Variants in NRXN1 observed in about 807,000 individuals in gnomAD.
The protein encoded by NRXN1 is neurexin 1.
NRXN1 carries 39 observed loss-of-function variants against 150.9 expected under a neutral mutation model. The ratio of observed to expected loss-of-function variants is 0.26; its 90% CI spans 0.20 to 0.34. NRXN1 has a LOEUF of 0.34. NRXN1 is among the 10% of genes least tolerant of loss of function. NRXN1 has a pLI of 1.00. For missense variants in NRXN1, 1,815 were observed against 1,949.9 expected, an observed-to-expected ratio of 0.93 and a Z score of 1.30; for synonymous variants, 924 against 757.0, an observed-to-expected ratio of 1.22 and a Z score of -3.62.
At position 50,802,586 on chromosome 2, in the gene NRXN1, AAGAG is replaced by A. The variant is rs199858744; in HGVS notation, c.832+119279_832+119282del. Among the ~76,000 whole-genome samples the A allele has an allele frequency of 7.3e-4, 108 of 148,890 alleles. 1 individual carries two copies. The highest frequency in any genetic ancestry group is 2.5e-3 in the African/African-American group (103 of 40,416). ...GGAAGGAAGGAGAGAGACAGAGAGA[AAGAG>A]AGAGAGAAAAGAAGGAAAGAAAGAG... On this transcript the variant is annotated intron_variant, in intron 5 of 22. Transcript: ENST00000401669.
chr2:50,439,385 C>A (rs552607513), intron 17 of NRXN1, among the ~76,000 whole-genome samples: 14 of 152,116 alleles, frequency 9.2e-5, no homozygotes, highest in Non-Finnish European at 2.1e-4. Flanking sequence ...CTACAGTCAA[C>A]AAAACTGAAT....
chr2:50,829,045 A>G (rs1224260930), intron 5 of NRXN1, among the ~76,000 whole-genome samples: 1 of 152,178 alleles, frequency 6.6e-6, no homozygotes, highest in Non-Finnish European at 1.5e-5. Context: ...CAGCCAACAC[A>G]GCAAAACCCC....
intron 10 of NRXN1, 93 bp from the exon 11 acceptor site, chr2:50,531,523 A>C (rs557858726): frequency 1.1e-6 from 1 of 906,820 alleles, no homozygotes; most frequent in African/African-American, 1.7e-5. Flanking sequence ...CATTTATTTA[A>C]GACTTCCAGA....
chr2:50,297,325 C>A (rs572825822), intron 17 of NRXN1, among the ~76,000 whole-genome samples: 137 of 152,228 alleles, frequency 9.0e-4, no homozygotes, highest in African/African-American at 3.2e-3. Context: ...ATGGAGTTGG[C>A]AATTTGGCTA....
At chr2:50,708,356 G>A (rs1372528433) in intron 5 of NRXN1, among the ~76,000 whole-genome samples, 1 of 152,142 alleles carries the variant, frequency 6.6e-6, no homozygotes, top group African/African-American at 2.4e-5. Flanking sequence ...GTCAATTTTA[G>A]CAGCATTTGA....
intron 2 of NRXN1, among the ~76,000 whole-genome samples, chr2:50,956,977 C>A (rs1692385855): frequency 6.6e-6 from 1 of 151,888 alleles, no homozygotes; most frequent in Non-Finnish European, 1.5e-5. Flanking sequence ...TTACCACACA[C>A]AATAGTATCC....
intron 2 of NRXN1, among the ~76,000 whole-genome samples, chr2:50,982,065 G>C (rs1353795994): frequency 6.6e-6 from 1 of 151,962 alleles, no homozygotes; most frequent in Non-Finnish European, 1.5e-5. Context: ...ATAGTTTATA[G>C]AGTCAACTCT....
intron 17 of NRXN1, among the ~76,000 whole-genome samples, chr2:50,285,007 A>AAT (rs1246970559): frequency 6.6e-6 from 1 of 152,194 alleles, no homozygotes; most frequent in African/African-American, 2.4e-5. Context: ...TTAAATGTGA[A>AAT]ATATATATAC....
chr2:50,601,409 T>G (rs1177160467), intron 8 of NRXN1, among the ~76,000 whole-genome samples: 5 of 152,214 alleles, frequency 3.3e-5, no homozygotes, highest in African/African-American at 1.2e-4. Flanking sequence ...GCTAGACACC[T>G]GTTTTTCAGG....
At chr2:50,302,466 C>T (rs493879) in intron 17 of NRXN1, among the ~76,000 whole-genome samples, 74,847 of 151,862 alleles carry the variant, frequency 0.49, 19,663 homozygotes, top group Non-Finnish European at 0.58. Flanking sequence ...TTATAGATTA[C>T]AAAGTCCACC....
At chr2:50,776,571 T>C (rs956618503) in intron 5 of NRXN1, among the ~76,000 whole-genome samples, 5 of 151,356 alleles carry the variant, frequency 3.3e-5, no homozygotes, top group African/African-American at 7.3e-5. Flanking sequence ...CTAATGTGTA[T>C]ATATATAATA....
At chr2:50,806,899 G>A (rs1455676856) in intron 5 of NRXN1, among the ~76,000 whole-genome samples, 3 of 152,076 alleles carry the variant, frequency 2.0e-5, no homozygotes. Context: ...CCCCTTGAAG[G>A]CAGGTACTTT....
rs113251585 is a variant in NRXN1 at position 50,953,824 on chromosome 2, G to T, written c.773-27869C>A. ...GATCCACCTGCCTCGGTCTCCCAAA[G>T]TGTTGAGATTAAAGGCATGAGCCAC... On this transcript the variant is annotated intron_variant, in intron 2 of 22. Transcript: ENST00000401669. 1.9e-3 allele frequency among the ~76,000 whole-genome samples: 289 copies of T among 152,144 alleles called. 4 individuals carry two copies. The highest frequency in any genetic ancestry group is 6.8e-3 in the African/African-American group (281 of 41,524).
In NRXN1 at chr2:50,109,452, A is replaced by C. The variant is rs575285892; in HGVS notation, c.3547-17958T>G. On this transcript the variant is annotated intron_variant, in intron 18 of 22. Coordinates refer to ENST00000401669, the MANE Select transcript of NRXN1 (RefSeq NM_001330078.2). ...ACAAATTGAAAATTTAGCCAAAAAA[A>C]CCCCACAGAAATGGCATTGCTTTGA... Among the ~76,000 whole-genome samples the C allele has an allele frequency of 7.6e-4, 115 of 152,122 alleles. 1 individual carries two copies. Among genetic ancestry groups the C allele is most frequent in the South Asian group, 3.9e-3 (19 of 4,820 alleles).
At chr2:50,198,281 G>A (rs142787603) in intron 18 of NRXN1, among the ~76,000 whole-genome samples, 5 of 152,238 alleles carry the variant, frequency 3.3e-5, no homozygotes, top group Middle Eastern at 6.8e-3. Flanking sequence ...TAATTAAATA[G>A]GATCATTTAA....
At chr2:50,136,316 A>T (rs1404239716) in intron 18 of NRXN1, among the ~76,000 whole-genome samples, 2 of 152,236 alleles carry the variant, frequency 1.3e-5, no homozygotes, top group African/African-American at 2.4e-5. Flanking sequence ...TAAGTATCCA[A>T]ACCAAGGAAC....
intron 8 of NRXN1, among the ~76,000 whole-genome samples, chr2:50,608,005 G>A (rs1677413694): frequency 6.6e-6 from 1 of 151,888 alleles, no homozygotes; most frequent in Non-Finnish European, 1.5e-5. Flanking sequence ...CAGAAAGAAG[G>A]CCAAGCCCAC....
chr2:50,187,100 T>C (rs1041259510), intron 18 of NRXN1, among the ~76,000 whole-genome samples: 1 of 152,032 alleles, frequency 6.6e-6, no homozygotes, highest in African/African-American at 2.4e-5. Context: ...GATTCTATGT[T>C]TTAAAATCAG....
intron 17 of NRXN1, among the ~76,000 whole-genome samples, chr2:50,329,653 ATATATATATATATATATATATTT>A (rs1558536959): frequency 4.4e-4 from 6 of 13,790 alleles, no homozygotes; most frequent in African/African-American, 1.5e-3. Flanking sequence ...ATATATATAT[ATATATATATATATATATATATTT>A]TTTTTTTTCC....
Sources: gnomAD v4.1 joint callset for allele counts (sites outside exome capture counted in the v4.1 genomes callset) on GRCh38, gnomAD v4.1.1 for gene constraint, MANE v1.5 for transcripts, NCBI Gene and HGNC (gene_info 2026-07-23, HGNC 2026-07-21) for gene names.